The following CA6 variants were observed in gnomAD, a reference collection of about 807,000 sequenced individuals.
CA6 encodes the protein carbonic anhydrase 6, also known as carbonate dehydratase VI.
CA6 carries 28 observed loss-of-function variants against 35.9 expected under a neutral mutation model. That is an observed-to-expected ratio of 0.78 (90% CI 0.58 to 1.07). The LOEUF (loss-of-function observed/expected upper bound fraction) is 1.07. Ranked by LOEUF, CA6 falls within the 50% of genes least tolerant of loss-of-function variation. The probability of loss-of-function intolerance (pLI) is 0.00; values close to 1 mark genes in which losing one functional copy is unlikely to be tolerated. For missense variants in CA6, 377 were observed against 382.0 expected (o/e 0.99, Z 0.11); for synonymous variants, 148 against 152.6 (o/e 0.97, Z 0.22).
rs755381499 is a variant in CA6, at chr1:8,962,644, A to G, written c.559A>G (p.Ile187Val). The G allele has an allele frequency of 2.5e-6, 4 of 1,613,586 alleles. No homozygotes were observed. The highest frequency in any genetic ancestry group is 2.7e-5 in the African/African-American group (2 of 74,938). Residue 187 changes from isoleucine to valine, a missense_variant, in exon 5 of 8, where the codon ATC becomes GTC. Transcript: ENST00000377443. The part of the protein sequence containing the change: ...YSNFISHLAN[I>V]KYPGQRTTLT... ...CAACTTCATTTCTCATCTGGCCAAC[A>G]TCAAGTACCCAGGTAAGGGAAGCCA...
At position 8,945,891 on chromosome 1, in the gene CA6, G is replaced by T. The variant is rs1639348881; in HGVS notation, c.5G>T (p.Arg2Met). The change falls in exon 1 of 8, where the codon AGG becomes ATG. Residue 2 changes from arginine (R) to methionine (M), a missense_variant. Physicochemically the swap from Arg to Met is moderately conservative, Grantham distance 91 (BLOSUM62 -1). Coordinates refer to ENST00000377443, the MANE Select transcript of CA6 (RefSeq NM_001215.4). MRALVLLLSLFL... is the reference protein window; with the variant it reads MMALVLLLSLFL... ...TCATTACAGATGTGCAGCACCATGA[G>T]GGCCCTGGTGCTTCTGCTGTCCCTG... is the stretch of plus-strand genomic sequence containing the variant. The T allele has an allele frequency of 6.2e-7, 1 of 1,608,222 alleles. No homozygotes were observed. Among genetic ancestry groups the T allele is most frequent in the Non-Finnish European group, 8.5e-7 (1 of 1,174,858 alleles).
chr1:8,966,169 C>T (rs746101455), intron 5 of CA6, among the ~76,000 whole-genome samples: 1 of 151,798 alleles, frequency 6.6e-6, no homozygotes, highest in Non-Finnish European at 1.5e-5. Flanking sequence ...GAGTGCAGTG[C>T]CTTGATCTCG....
intron 1 of CA6, among the ~76,000 whole-genome samples, chr1:8,948,554 C>A (rs1026694887): frequency 1.8e-4 from 28 of 152,004 alleles, no homozygotes; most frequent in African/African-American, 6.8e-4. Flanking sequence ...GGAAGGACAA[C>A]TGGGCCCTTG....
chr1:8,948,477 C>T (rs903091878), intron 1 of CA6, among the ~76,000 whole-genome samples: 2 of 148,214 alleles, frequency 1.3e-5, no homozygotes, highest in Non-Finnish European at 3.0e-5. Flanking sequence ...GGGGCTGGAG[C>T]AAGAAAATAG....
chr1:8,950,126 T>C (rs537504578), intron 2 of CA6, among the ~76,000 whole-genome samples: 2 of 151,304 alleles, frequency 1.3e-5, no homozygotes, highest in East Asian at 3.9e-4. Context: ...ATTACAGGCA[T>C]GCACCACCAT....
Position 8,963,851 on chromosome 1 carries a change from A to AT in CA6, c.571+1201dup, listed in dbSNP as rs1364543275. On this transcript the variant is annotated intron_variant, in intron 5 of 7. Transcript: ENST00000377443. This position sits in a 1 kb window ranked among gnomAD's most constrained non-coding sequence, Gnocchi z 4.1. The stretch of plus-strand genomic sequence containing the variant: ...CCACCACACCTGGCCAACTGGTATT[A>AT]TTTTTTATTCATAGCTACAAATATG... Among the ~76,000 whole-genome samples, 2 of 152,118 alleles carry AT rather than the reference A, an allele frequency of 1.3e-5. No individual in the cohort carries two copies. The highest frequency in any genetic ancestry group is 4.8e-5 in the African/African-American group (2 of 41,440).
At chr1:8,973,177 G>T (rs1044527334) in intron 7 of CA6, among the ~76,000 whole-genome samples, 9 of 152,026 alleles carry the variant, frequency 5.9e-5, no homozygotes, top group Admixed American at 5.2e-4. Context: ...GCGCCCCCAC[G>T]CCAGGCTAAT....
At chr1:8,947,526 G>A (rs3765969) in intron 1 of CA6, among the ~76,000 whole-genome samples, 1 of 152,038 alleles carries the variant, frequency 6.6e-6, no homozygotes, top group Admixed American at 6.5e-5. Flanking sequence ...GCAGTGCCTC[G>A]GAAGCCTGGG....
At chr1:8,970,489 GC>G (rs1640079548) in intron 6 of CA6, among the ~76,000 whole-genome samples, 1 of 151,922 alleles carries the variant, frequency 6.6e-6, no homozygotes, top group Admixed American at 6.6e-5. Context: ...CCAAACTCTA[GC>G]CCAGTTGTTA....
chr1:8,948,938 C>G (rs1317221889), intron 1 of CA6, among the ~76,000 whole-genome samples: 1 of 150,804 alleles, frequency 6.6e-6, no homozygotes, highest in Non-Finnish European at 1.5e-5. Context: ...CCACTGCACT[C>G]CAACCTGGGT....
rs1261100664 is a variant in CA6 at position 8,970,867 on chromosome 1, G to T, written c.730G>T (p.Val244Phe). The T allele has an allele frequency of 1.9e-6, 3 of 1,602,374 alleles. No individual in the cohort carries two copies. Among genetic ancestry groups the T allele is most frequent in the Non-Finnish European group, 1.7e-6 (2 of 1,169,538 alleles). Residue 244 changes from valine to phenylalanine, a missense_variant and splice_region_variant, in exon 7 of 8, where the codon GTT becomes TTT. Transcript: ENST00000377443. ...ADFVKLSRTQ[V>F]WKLENSLLDH... Reference sequence around the variant, plus strand: ...CATAATGCACTCACGTTGCCCCCAGGTTTGGAAGCTGGAGAATTCCTTACT... The same window carrying T: ...CATAATGCACTCACGTTGCCCCCAGTTTTGGAAGCTGGAGAATTCCTTACT...
rs762706385 is a variant in CA6, at chr1:8,967,612, G to A, written c.572-47G>A. The stretch of plus-strand genomic sequence containing the variant: ...TGGGCCTGAGCTGTCCTCCCGAGGG[G>A]CAGCGCTGGTCCCTGACATTCTGTT... On this transcript the variant is annotated intron_variant, in intron 5 of 7. Coordinates refer to ENST00000377443, the MANE Select transcript of CA6 (RefSeq NM_001215.4). The A allele has an allele frequency of 3.2e-6, 5 of 1,565,900 alleles. No individual in the cohort carries two copies. In the South Asian group the frequency reaches 4.6e-5, roughly 14 times the overall value.
At chr1:8,973,740 CT>C (rs756878672) in intron 7 of CA6, among the ~76,000 whole-genome samples, 13 of 19,386 alleles carry the variant, frequency 6.7e-4, no homozygotes, top group African/African-American at 3.9e-3. Context: ...TTCTTTCTTT[CT>C]TTCTTTCTTT....
chr1:8,962,540 TG>T (rs756399932), intron 4 of CA6, 46 bp from the exon 5 acceptor site: 1 of 1,471,978 alleles, frequency 6.8e-7, no homozygotes, highest in Non-Finnish European at 9.5e-7. Context: ...GCGATGGTGC[TG>T]GGGCCTCTTC....
At chr1:8,955,818 C>T (rs1639664166) in intron 2 of CA6, among the ~76,000 whole-genome samples, 1 of 152,176 alleles carries the variant, frequency 6.6e-6, no homozygotes, top group Non-Finnish European at 1.5e-5. Context: ...GCTCCCCGCT[C>T]CTTTAGACAA....
intron 5 of CA6, 118 bp from the exon 6 acceptor site, chr1:8,967,541 G>A: frequency 1.3e-6 from 1 of 754,954 alleles, no homozygotes. Flanking sequence ...TTAATCATCA[G>A]CTTCTATGTT....
chr1:8,956,960 G>A (rs1372021197), intron 2 of CA6, among the ~76,000 whole-genome samples, 177 bp from the exon 3 acceptor site: 2 of 152,182 alleles, frequency 1.3e-5, no homozygotes, highest in Non-Finnish European at 2.9e-5. Flanking sequence ...CCTGTGCCCT[G>A]TGCGCAAACG....
At position 8,957,195 on chromosome 1, in the gene CA6, A is replaced by T. The variant is rs1186500806; in HGVS notation, c.318A>T (p.Ile106=). The change falls in exon 3 of 8, where the codon ATA becomes ATT. Residue 106 remains isoleucine (I), a synonymous_variant. Transcript: ENST00000377443. ...RMTVADGTVY[I]AQQMHFHWGG... ...CAGTGGCTGACGGCACTGTATACAT[A>T]GCCCAGCAGATGCACTTTCACTGGG... 8 of 1,613,994 alleles carry T rather than the reference A, an allele frequency of 5.0e-6. 1 individual carries two copies. The highest frequency in any genetic ancestry group is 8.5e-7 in the Non-Finnish European group (1 of 1,179,944).
intron 3 of CA6, among the ~76,000 whole-genome samples, chr1:8,957,830 C>T (rs182732915): frequency 2.0e-5 from 3 of 150,822 alleles, no homozygotes; most frequent in South Asian, 2.1e-4. Flanking sequence ...TGGTGGTACA[C>T]GCCTATAGTT....
Sources: allele counts gnomAD v4.1 joint callset (sites outside exome capture counted in the v4.1 genomes callset), GRCh38; gene constraint gnomAD v4.1.1; non-coding constraint Gnocchi (gnomAD v3.1); transcripts MANE v1.5; gene names NCBI Gene and HGNC (gene_info 2026-07-23, HGNC 2026-07-21).